HTR1E: variants seen among roughly 807,000 people sequenced by gnomAD.
The protein encoded by HTR1E is 5-hydroxytryptamine receptor 1E.
A neutral mutation model predicts 3.4 loss-of-function variants in HTR1E; 3 were observed. The observed-to-expected ratio is 0.89, with a 90% CI of 0.41 to 2.31. The LOEUF (loss-of-function observed/expected upper bound fraction) is 2.31, where lower values mean the gene tolerates loss of function less well. HTR1E is among the 30% of genes most tolerant of loss of function. The probability of loss-of-function intolerance (pLI) is 0.05; values close to 1 mark genes in which losing one functional copy is unlikely to be tolerated. For synonymous variants in HTR1E, 170 were observed against 182.8 expected, an observed-to-expected ratio of 0.93 and a Z score of 0.56; for missense variants, 392 against 467.0, an observed-to-expected ratio of 0.84 and a Z score of 1.48.
chr6:86,987,414 G>T lies in HTR1E; in HGVS notation c.-185-27736G>T, dbSNP rs376109813. 1.6e-4 allele frequency among the ~76,000 whole-genome samples: 24 copies of T among 152,128 alleles called. No individual in the cohort carries two copies. In the East Asian group the frequency reaches 2.5e-3, roughly 16 times the overall value. ...CCTCCCTTCAATAGCAAAGGAAAAA[G>T]AAAACTAACTTATATTTCTCTAATG... On this transcript the variant is annotated intron_variant, in intron 1 of 1. Transcript: ENST00000305344.
chr6:86,960,643 T>C (rs1033690860), intron 1 of HTR1E, among the ~76,000 whole-genome samples: 1 of 152,166 alleles, frequency 6.6e-6, no homozygotes, highest in Non-Finnish European at 1.5e-5. Context: ...GAAAGTGAGG[T>C]TAAATGAAAG....
At chr6:86,977,893 T>A (rs952780459) in intron 1 of HTR1E, among the ~76,000 whole-genome samples, 1 of 152,182 alleles carries the variant, frequency 6.6e-6, no homozygotes, top group Admixed American at 6.5e-5. Context: ...CCTTTGCCCA[T>A]TTTTTAATGG....
At chr6:86,949,600 G>GT (rs1441577138) in intron 1 of HTR1E, among the ~76,000 whole-genome samples, 1 of 152,054 alleles carries the variant, frequency 6.6e-6, no homozygotes, top group African/African-American at 2.4e-5. Context: ...AAGTTTTGAG[G>GT]TAGACCAGGA....
At chr6:86,972,510 C>T (rs1375896248) in intron 1 of HTR1E, among the ~76,000 whole-genome samples, 1 of 152,022 alleles carries the variant, frequency 6.6e-6, no homozygotes, top group Non-Finnish European at 1.5e-5. Context: ...AAATATTTAG[C>T]ATTTTACTCT....
chr6:87,008,159 T>G (rs1768146188), intron 1 of HTR1E, among the ~76,000 whole-genome samples: 1 of 152,156 alleles, frequency 6.6e-6, no homozygotes, highest in African/African-American at 2.4e-5. Flanking sequence ...CATGTCATAT[T>G]CCAATCACAA....
chr6:86,960,620 G>C (rs182252835), intron 1 of HTR1E, among the ~76,000 whole-genome samples: 1 of 152,308 alleles, frequency 6.6e-6, no homozygotes, highest in East Asian at 1.9e-4. Context: ...TGAATCAGGA[G>C]CAAACACTTC....
intron 1 of HTR1E, among the ~76,000 whole-genome samples, chr6:86,953,725 C>T (rs1767280554): frequency 6.6e-6 from 1 of 152,196 alleles, no homozygotes; most frequent in East Asian, 1.9e-4. Context: ...TCTGTTCTCA[C>T]ATTGCTATAA....
intron 1 of HTR1E, among the ~76,000 whole-genome samples, chr6:86,956,556 A>G (rs1767326527): frequency 6.6e-6 from 1 of 152,122 alleles, no homozygotes; most frequent in African/African-American, 2.4e-5. Context: ...GACCAAACCA[A>G]TGTACACCTT....
intron 1 of HTR1E, among the ~76,000 whole-genome samples, chr6:86,960,060 G>A (rs1283711312): frequency 6.6e-6 from 1 of 152,154 alleles, no homozygotes; most frequent in African/African-American, 2.4e-5. Flanking sequence ...AGATAATTCA[G>A]GATAAAATTC....
At chr6:86,989,473 A>G (rs1385745332) in intron 1 of HTR1E, among the ~76,000 whole-genome samples, 1 of 152,230 alleles carries the variant, frequency 6.6e-6, no homozygotes, top group African/African-American at 2.4e-5. Flanking sequence ...TAGGAATCAA[A>G]TAACTGGTAT....
chr6:87,005,112 T>C (rs1190152170), intron 1 of HTR1E, among the ~76,000 whole-genome samples: 2 of 152,170 alleles, frequency 1.3e-5, no homozygotes, highest in African/African-American at 4.8e-5. Flanking sequence ...TGAAAAGATA[T>C]TCCATGTTTA....
At chr6:86,940,673 A>C (rs899472124) in intron 1 of HTR1E, among the ~76,000 whole-genome samples, 5 of 152,080 alleles carry the variant, frequency 3.3e-5, no homozygotes, top group African/African-American at 1.2e-4. Flanking sequence ...CATTTTTTTC[A>C]TGTTTGTTTT....
chr6:87,001,363 G>A (rs889795553), intron 1 of HTR1E, among the ~76,000 whole-genome samples: 1 of 152,190 alleles, frequency 6.6e-6, no homozygotes, highest in Non-Finnish European at 1.5e-5. Flanking sequence ...AAAAGACATA[G>A]AGTAGGTGAA....
At chr6:86,990,298 T>C (rs1450731641) in intron 1 of HTR1E, among the ~76,000 whole-genome samples, 1 of 152,190 alleles carries the variant, frequency 6.6e-6, no homozygotes, top group Non-Finnish European at 1.5e-5. Flanking sequence ...TTTTTATTAT[T>C]CTCAGCTGAA....
chr6:86,967,312 C>G (rs958450056), intron 1 of HTR1E, among the ~76,000 whole-genome samples: 5 of 152,058 alleles, frequency 3.3e-5, no homozygotes, highest in African/African-American at 4.8e-5. Context: ...ATTATTAATG[C>G]CACCAAGAAG....
chr6:87,000,769 A>C (rs2127830146), intron 1 of HTR1E, among the ~76,000 whole-genome samples: 1 of 152,358 alleles, frequency 6.6e-6, no homozygotes, highest in African/African-American at 2.4e-5. Context: ...TCAATCTGAA[A>C]GGGGGACATT....
intron 1 of HTR1E, among the ~76,000 whole-genome samples, chr6:86,955,827 G>A (rs1386798350): frequency 6.6e-6 from 1 of 152,042 alleles, no homozygotes; most frequent in Non-Finnish European, 1.5e-5. Context: ...AGAAACTGAT[G>A]ATAAATTTAC....
chr6:87,010,661 A>C (rs1220930168), intron 1 of HTR1E, among the ~76,000 whole-genome samples: 2 of 143,472 alleles, frequency 1.4e-5, no homozygotes, highest in Admixed American at 1.4e-4. Context: ...CTCACTTTCC[A>C]GACTGGGCAG....
intron 1 of HTR1E, among the ~76,000 whole-genome samples, chr6:86,943,066 C>T (rs954054698): frequency 6.6e-6 from 1 of 152,162 alleles, no homozygotes; most frequent in Middle Eastern, 3.2e-3. Flanking sequence ...CTTTCTCAGA[C>T]TTATGTACCA....
Sources: gnomAD v4.1 joint callset for allele counts (sites outside exome capture counted in the v4.1 genomes callset) on GRCh38, gnomAD v4.1.1 for gene constraint, MANE v1.5 for transcripts, NCBI Gene and HGNC (gene_info 2026-07-23, HGNC 2026-07-21) for gene names.